The following MAP3K13 variants were observed in gnomAD, a reference collection of about 807,000 sequenced individuals.
MAP3K13 encodes mitogen-activated protein kinase kinase kinase 13, also known as leucine zipper-bearing kinase.
Under a neutral mutation model 104.0 loss-of-function variants are expected in MAP3K13, and 52 were observed. The ratio of observed to expected loss-of-function variants is 0.50; its 90% CI spans 0.40 to 0.63. MAP3K13 has a LOEUF of 0.63. Ranked by LOEUF, MAP3K13 falls within the 20% of genes least tolerant of loss-of-function variation. MAP3K13 has a pLI of 0.00. For synonymous variants in MAP3K13, 394 were observed against 442.2 expected (o/e 0.89, Z 1.37); for missense variants, 914 against 1,218.5 (o/e 0.75, Z 3.72).
intron 1 of MAP3K13, among the ~76,000 whole-genome samples, chr3:185,285,117 G>C (rs1021615175): frequency 5.3e-5 from 8 of 152,066 alleles, no homozygotes; most frequent in African/African-American, 1.9e-4. Flanking sequence ...CTTAAAATAG[G>C]CTGAAAACTC....
rs1298856066 is a variant in MAP3K13, at chr3:185,455,808, GAT to G, written c.1278+4422_1278+4423del. Among the ~76,000 whole-genome samples, 218 of 96,838 alleles carry G rather than the reference GAT, an allele frequency of 2.3e-3. 5 individuals carry two copies. Among genetic ancestry groups the G allele is most frequent in the African/African-American group, 6.6e-3 (167 of 25,236 alleles). 63.5% of individuals were successfully genotyped at this position (96,838 alleles called of 152,430 possible). A position where few individuals can be genotyped will look rare whatever the true frequency, so the allele number is the denominator to read the frequency against. On this transcript the variant is annotated intron_variant, in intron 7 of 13. Transcript: ENST00000265026. ...TGAGATATATATATGAGATATATGA[GAT>G]ATATATATGAGATATATATGAGATA...
rs1268261425 is a variant in MAP3K13 at position 185,415,573 on chromosome 3, ATTTCTTTTTT to A, written c.-85-12920_-85-12911del. ...CACAGTATTAAAACCAGAAGGGTTA[ATTTCTTTTTT>A]TTTTTTTTTTTTTTTTTGAGACAGA... On this transcript the variant is annotated intron_variant, in intron 1 of 13. Coordinates refer to ENST00000265026, the MANE Select transcript of MAP3K13 (RefSeq NM_004721.5). Among the ~76,000 whole-genome samples, 6 of 119,458 alleles carry A rather than the reference ATTTCTTTTTT, an allele frequency of 5.0e-5. No individual in the cohort carries two copies. In the South Asian group the frequency reaches 8.9e-4, roughly 18 times the overall value. The allele number at this position is 119,458 out of a possible 152,430, so 78.4% of individuals were successfully genotyped here.
At chr3:185,409,633 G>T (rs1713316258) in intron 1 of MAP3K13, among the ~76,000 whole-genome samples, 2 of 152,180 alleles carry the variant, frequency 1.3e-5, no homozygotes, top group South Asian at 2.1e-4. Context: ...CCACTACTGA[G>T]TATTTACCCA....
At position 185,395,357 on chromosome 3, in the gene MAP3K13, C is replaced by CTTTCTTTTTTTTTTTTTT. The variant is rs1553798321; in HGVS notation, c.-86+31992_-86+31993insCTTTTTTTTTTTTTTTTT. Among the ~76,000 whole-genome samples, 32 of 69,980 alleles carry CTTTCTTTTTTTTTTTTTT rather than the reference C, an allele frequency of 4.6e-4. 1 individual carries two copies. Among genetic ancestry groups the CTTTCTTTTTTTTTTTTTT allele is most frequent in the African/African-American group, 1.0e-3 (15 of 14,514 alleles). The allele number at this position is 69,980 out of a possible 152,430, so 45.9% of individuals were successfully genotyped here. A position where few individuals can be genotyped will look rare whatever the true frequency, so the allele number is the denominator to read the frequency against. On this transcript the variant is annotated intron_variant, in intron 1 of 13. Transcript: ENST00000265026. ...AGGCATTTCTAATTCAATATTATTT[C>CTTTCTTTTTTTTTTTTTT]TTTTTTTTTTTTTTTTTTTGAGACG... is the stretch of plus-strand genomic sequence containing the variant.
intron 1 of MAP3K13, among the ~76,000 whole-genome samples, chr3:185,425,264 T>A (rs952561279): frequency 1.3e-5 from 2 of 152,230 alleles, no homozygotes; most frequent in African/African-American, 4.8e-5. Flanking sequence ...TTAAATTCTG[T>A]ATGTCCATAG....
intron 2 of MAP3K13, among the ~76,000 whole-genome samples, chr3:185,345,584 C>T (rs548095063): frequency 6.6e-6 from 1 of 152,268 alleles, no homozygotes; most frequent in South Asian, 2.1e-4. Flanking sequence ...AGCAGGAAAC[C>T]TATTGTGAAC....
chr3:185,456,136 G>T (rs962705918), intron 7 of MAP3K13, among the ~76,000 whole-genome samples: 2 of 151,718 alleles, frequency 1.3e-5, no homozygotes, highest in South Asian at 2.1e-4. Flanking sequence ...CTTAGTAAAG[G>T]CATAGGTTTT....
At chr3:185,452,427 T>C (rs1461733318) in intron 7 of MAP3K13, among the ~76,000 whole-genome samples, 1 of 152,032 alleles carries the variant, frequency 6.6e-6, no homozygotes, top group Non-Finnish European at 1.5e-5. Context: ...GGTAGAGATG[T>C]GGTTTCACCA....
chr3:185,436,773 C>A (rs978381224), intron 2 of MAP3K13, among the ~76,000 whole-genome samples: 1 of 151,812 alleles, frequency 6.6e-6, no homozygotes, highest in South Asian at 2.1e-4. Context: ...GAGGCCAAGG[C>A]GGGTGGATCA....
chr3:185,476,168 TG>T (rs1718113930), intron 11 of MAP3K13, among the ~76,000 whole-genome samples: 1 of 152,032 alleles, frequency 6.6e-6, no homozygotes, highest in African/African-American at 2.4e-5. Context: ...ACCTTTCTCA[TG>T]CCATTGTGAT....
intron 1 of MAP3K13, among the ~76,000 whole-genome samples, chr3:185,375,157 T>A (rs900638772): frequency 6.6e-6 from 1 of 152,304 alleles, no homozygotes; most frequent in East Asian, 1.9e-4. Flanking sequence ...CGAGGAATTA[T>A]GTCTGACAGA....
At chr3:185,479,371 T>C (rs1450125755) in intron 12 of MAP3K13, among the ~76,000 whole-genome samples, 1 of 152,110 alleles carries the variant, frequency 6.6e-6, no homozygotes, top group African/African-American at 2.4e-5. Flanking sequence ...AGCTCTGCCT[T>C]TTCTCATGGT....
chr3:185,456,758 C>G (rs767659147), intron 7 of MAP3K13, among the ~76,000 whole-genome samples: 1 of 151,962 alleles, frequency 6.6e-6, no homozygotes, highest in Non-Finnish European at 1.5e-5. Flanking sequence ...TGTGCCACCA[C>G]ACTCGGTTAA....
intron 1 of MAP3K13, among the ~76,000 whole-genome samples, chr3:185,421,976 G>A (rs556447002): frequency 8.5e-5 from 13 of 152,086 alleles, no homozygotes; most frequent in South Asian, 2.1e-4. Context: ...GTTGGGACCC[G>A]TTGGACTAGA....
intron 1 of MAP3K13, among the ~76,000 whole-genome samples, chr3:185,411,578 T>A (rs1483993884): frequency 6.6e-6 from 1 of 152,194 alleles, no homozygotes; most frequent in Non-Finnish European, 1.5e-5. Context: ...AGTACAATAA[T>A]AAAACAATCA....
rs1333841161 is a variant in MAP3K13 at position 185,483,760 on chromosome 3, T to TAGGCAATGGCACAATTGCCC, written c.*1306_*1307insGCAATGGCACAATTGCCCAG. The TAGGCAATGGCACAATTGCCC allele has an allele frequency of 5.9e-6, 1 of 170,740 alleles. No individual in the cohort carries two copies. Among genetic ancestry groups the TAGGCAATGGCACAATTGCCC allele is most frequent in the African/African-American group, 2.4e-5 (1 of 41,640 alleles). 10.6% of individuals were successfully genotyped at this position (170,740 alleles called of 1,614,324 possible). On this transcript the variant is annotated 3_prime_UTR_variant, in exon 14 of 14. Coordinates refer to ENST00000265026, the MANE Select transcript of MAP3K13 (RefSeq NM_004721.5). ...AGAGTTTTGCTCTTTTTGCCCAGGCTAGAGTGCAATGGCACAATCTCAGTT... is the reference window on the plus strand; with the variant it reads ...AGAGTTTTGCTCTTTTTGCCCAGGCTAGGCAATGGCACAATTGCCCAGAGTGCAATGGCACAATCTCAGTT...
At chr3:185,465,212 G>A (rs1401081507) in intron 8 of MAP3K13, among the ~76,000 whole-genome samples, 3 of 152,050 alleles carry the variant, frequency 2.0e-5, no homozygotes, top group Non-Finnish European at 2.9e-5. Flanking sequence ...TCCTGACCTC[G>A]TGATCCACCT....
intron 4 of MAP3K13, among the ~76,000 whole-genome samples, chr3:185,446,932 C>T (rs1715622295): frequency 6.6e-6 from 1 of 152,082 alleles, no homozygotes; most frequent in Admixed American, 6.5e-5. Context: ...TCTATCATCC[C>T]TTATCCAAAA....
intron 1 of MAP3K13, chr3:185,417,565 T>A: frequency 1.9e-6 from 3 of 1,611,138 alleles, no homozygotes; most frequent in Non-Finnish European, 2.5e-6. Context: ...GGCTGGTTTC[T>A]TGGTAGCTGC....
Sources: gnomAD v4.1 joint callset for allele counts (sites outside exome capture counted in the v4.1 genomes callset) on GRCh38, gnomAD v4.1.1 for gene constraint, MANE v1.5 for transcripts, NCBI Gene and HGNC (gene_info 2026-07-23, HGNC 2026-07-21) for gene names.